The following OR51B5 variants were observed in gnomAD, a reference collection of about 807,000 sequenced individuals.
OR51B5 encodes the protein olfactory receptor family 51 subfamily B member 5.
For synonymous variants in OR51B5, 186 were observed against 144.8 expected (o/e 1.28, Z -2.04); for missense variants, 456 against 374.6 (o/e 1.22, Z -1.79).
At chr11:5,494,678 T>C (rs575459459) in intron 1 of OR51B5, among the ~76,000 whole-genome samples, 8 of 152,212 alleles carry the variant, frequency 5.3e-5, no homozygotes, top group Admixed American at 2.0e-4. Context: ...AACAAGTCAT[T>C]TTCCCTTTTT....
intron 1 of OR51B5, among the ~76,000 whole-genome samples, chr11:5,372,524 C>T (rs545053607): frequency 1.3e-5 from 2 of 152,282 alleles, no homozygotes; most frequent in South Asian, 4.1e-4. Flanking sequence ...TGATGTAGTG[C>T]ACCTTTTCAT....
exon 1 of OR51B5, chr11:5,343,400 G>A (rs1311021039): frequency 1.2e-6 from 2 of 1,610,576 alleles, no homozygotes; most frequent in Admixed American, 1.7e-5. Flanking sequence ...AAGAAGGAGG[G>A]TGCCATTGCC....
intron 1 of OR51B5, chr11:5,385,457 A>G (rs1471215303): frequency 6.6e-6 from 1 of 152,108 alleles, no homozygotes; most frequent in Non-Finnish European, 1.5e-5. Context: ...TCAGGATAAG[A>G]GGTGAGTACT....
intron 1 of OR51B5, among the ~76,000 whole-genome samples, chr11:5,382,213 G>GA (rs1211111752): frequency 6.6e-6 from 1 of 152,094 alleles, no homozygotes; most frequent in Non-Finnish European, 1.5e-5. Context: ...TTGATCACCG[G>GA]AAAATCTTAT....
intron 1 of OR51B5, among the ~76,000 whole-genome samples, chr11:5,374,876 C>T (rs577690488): frequency 1.4e-3 from 211 of 151,996 alleles, no homozygotes; most frequent in African/African-American, 4.1e-3. Flanking sequence ...CTGAAAGTGA[C>T]GGGGAGAATC....
intron 1 of OR51B5, among the ~76,000 whole-genome samples, chr11:5,412,200 T>C (rs1409025124): frequency 6.6e-6 from 1 of 152,182 alleles, no homozygotes; most frequent in Non-Finnish European, 1.5e-5. Context: ...ATGCAAATCA[T>C]TTGCCAGAAT....
At position 5,440,830 on chromosome 11, in the gene OR51B5, C is replaced by A. The variant is rs759029483; in HGVS notation, n.84+64739G>T. 2 of 1,613,676 alleles carry A rather than the reference C, an allele frequency of 1.2e-6. No individual in the cohort carries two copies. Among genetic ancestry groups the A allele is most frequent in the Non-Finnish European group, 1.7e-6 (2 of 1,179,918 alleles). On this transcript the variant is annotated intron_variant and non_coding_transcript_variant, in intron 1 of 4. Coordinates refer to the OR51B5 transcript ENST00000415970. The stretch of plus-strand genomic sequence containing the variant: ...AGCCGCTGTTCCTGGGATATGATGA[C>A]CAGCATGGCTCTCAGGATCAATGCG...
At chr11:5,468,769 G>C (rs759003801) in intron 1 of OR51B5, 2 of 456,008 alleles carry the variant, frequency 4.4e-6, no homozygotes, top group African/African-American at 2.0e-5. Context: ...CATAGGAGAG[G>C]AGGATGAGCA....
chr11:5,440,769 G>C, intron 1 of OR51B5: 2 of 1,613,954 alleles, frequency 1.2e-6, no homozygotes, highest in Middle Eastern at 1.7e-4. Context: ...GGCCAGCACT[G>C]CACAGATGTG....
intron 1 of OR51B5, among the ~76,000 whole-genome samples, chr11:5,388,067 A>G (rs1423479269): frequency 6.6e-6 from 1 of 152,198 alleles, no homozygotes; most frequent in Non-Finnish European, 1.5e-5. Flanking sequence ...TACAATTTCA[A>G]TATGTATTTA....
chr11:5,402,701 C>T (rs2736526), intron 1 of OR51B5: 61,499 of 471,142 alleles, frequency 0.13, 4,939 homozygotes, highest in African/African-American at 0.29. Flanking sequence ...TCCCCTTCTC[C>T]CTGATATACA....
chr11:5,363,525 G>A (rs1420002932), intron 1 of OR51B5, among the ~76,000 whole-genome samples: 1 of 151,918 alleles, frequency 6.6e-6, no homozygotes, highest in African/African-American at 2.4e-5. Context: ...TCAGCTCCAT[G>A]AGGTACACTC....
chr11:5,377,779 G>A (rs556939574), intron 1 of OR51B5, among the ~76,000 whole-genome samples: 2 of 139,060 alleles, frequency 1.4e-5, no homozygotes, highest in African/African-American at 2.7e-5. Flanking sequence ...TCTTCAAGGA[G>A]AACTACAAAC....
chr11:5,426,518 A>T (rs1850452673), intron 1 of OR51B5, among the ~76,000 whole-genome samples: 2 of 152,148 alleles, frequency 1.3e-5, no homozygotes, highest in Non-Finnish European at 2.9e-5. Flanking sequence ...TAACTTTGGA[A>T]ATAGGTGAAA....
chr11:5,381,058 G>C (rs1849601336), intron 1 of OR51B5, among the ~76,000 whole-genome samples: 1 of 152,032 alleles, frequency 6.6e-6, no homozygotes, highest in Non-Finnish European at 1.5e-5. Context: ...ATTCTGGATA[G>C]AGGTTCCTTA....
chr11:5,413,377 A>G (rs571579060), intron 1 of OR51B5, among the ~76,000 whole-genome samples: 30 of 152,262 alleles, frequency 2.0e-4, no homozygotes, highest in Non-Finnish European at 4.0e-4. Context: ...AAAGCAGAGC[A>G]CCTCTCCTCC....
chr11:5,364,902 A>G (rs1024040400), intron 1 of OR51B5, among the ~76,000 whole-genome samples: 2 of 152,220 alleles, frequency 1.3e-5, no homozygotes, highest in Non-Finnish European at 2.9e-5. Flanking sequence ...TTTAGTAAAT[A>G]ATTTTTAATC....
intron 1 of OR51B5, among the ~76,000 whole-genome samples, chr11:5,468,194 A>G (rs1430166007): frequency 2.0e-5 from 3 of 152,236 alleles, no homozygotes; most frequent in African/African-American, 7.2e-5. Flanking sequence ...ACTTGAAAGC[A>G]TAGATGTTAT....
chr11:5,409,896 G>A (rs1380642130), intron 1 of OR51B5, among the ~76,000 whole-genome samples: 1 of 110,748 alleles, frequency 9.0e-6, no homozygotes, highest in Non-Finnish European at 2.0e-5. Context: ...ACTGAAGTCA[G>A]TCAGAGGAAA....
Sources: allele counts gnomAD v4.1 joint callset (sites outside exome capture counted in the v4.1 genomes callset), GRCh38; gene constraint gnomAD v4.1.1; transcripts MANE v1.5; gene names NCBI Gene and HGNC (gene_info 2026-07-23, HGNC 2026-07-21).